Variants in ODAD2 observed in about 807,000 individuals in gnomAD.
ODAD2 encodes outer dynein arm-docking complex subunit 2.
ODAD2 carries 89 observed loss-of-function variants against 106.8 expected under a neutral mutation model. The observed-to-expected ratio is 0.83, with a 90% CI of 0.70 to 0.99. ODAD2 has a LOEUF of 0.99. ODAD2 is among the 50% of genes least tolerant of loss of function. ODAD2 has a pLI of 0.00. For synonymous variants in ODAD2, 404 were observed against 436.2 expected (o/e 0.93, Z 0.92); for missense variants, 1,168 against 1,238.5 (o/e 0.94, Z 0.85).
At position 27,985,064 on chromosome 10, in the gene ODAD2, T is replaced by A. The variant is rs1849791282; in HGVS notation, c.530A>T (p.Gln177Leu). The stretch of plus-strand genomic sequence containing the variant: ...ATGATTGAGGAGGTGCAGATCCAAT[T>A]GCTTAAGCAGCATAGCAATCTTCAT... Reference protein sequence around the residue: ...IKMKIAMLLKQLDLHLLNHSL... With the variant: ...IKMKIAMLLKLLDLHLLNHSL... The change falls in exon 4 of 20, where the codon CAA (glutamine) becomes CTA (leucine). Residue 177 changes from glutamine (Q) to leucine (L), a missense_variant. Gln to Leu is a moderately radical substitution (Grantham distance 113). Coordinates refer to ENST00000305242, the MANE Select transcript of ODAD2 (RefSeq NM_018076.5). 6.2e-7 allele frequency: 1 copy of A among 1,609,286 alleles called. No individual in the cohort carries two copies.
chr10:27,947,859 C>T (rs763290979), intron 10 of ODAD2, among the ~76,000 whole-genome samples: 9 of 152,214 alleles, frequency 5.9e-5, no homozygotes, highest in African/African-American at 1.7e-4. Context: ...TTCTTAATCG[C>T]TCGTGCTGAG....
intron 16 of ODAD2, among the ~76,000 whole-genome samples, chr10:27,915,719 A>G (rs1844321578): frequency 6.6e-6 from 1 of 152,184 alleles, no homozygotes; most frequent in South Asian, 2.1e-4. Context: ...GTATCCAGTG[A>G]AAACATCCTT....
chr10:27,865,689 A>G (rs1284077591), intron 17 of ODAD2, among the ~76,000 whole-genome samples: 4 of 152,226 alleles, frequency 2.6e-5, no homozygotes, highest in Admixed American at 2.0e-4. Context: ...AGCAGTTAGT[A>G]GATACTCAAC....
rs1217739284 is a variant in ODAD2, at chr10:27,964,389, G to A, written c.1239-2674C>T. Among the ~76,000 whole-genome samples the A allele has an allele frequency of 2.6e-5, 4 of 152,148 alleles. No individual in the cohort carries two copies. The East Asian group carries it at 7.7e-4, about 29-fold the overall frequency. On this transcript the variant is annotated intron_variant, in intron 9 of 19. Transcript: ENST00000305242. ...CACCTGCAAATTGGGGATGATAATA[G>A]CAATTAGTATGTAAAAAGCTTATAA... is the stretch of plus-strand genomic sequence containing the variant.
At chr10:27,863,487 T>C (rs1840221676) in intron 17 of ODAD2, among the ~76,000 whole-genome samples, 2 of 152,058 alleles carry the variant, frequency 1.3e-5, no homozygotes, top group African/African-American at 4.8e-5. Context: ...CCATATTGAG[T>C]AGGGGGTTAC....
At chr10:27,998,821 C>G (rs564073801) in intron 1 of ODAD2, among the ~76,000 whole-genome samples, 173 bp downstream of exon 1, 102 of 152,226 alleles carry the variant, frequency 6.7e-4, no homozygotes, top group African/African-American at 2.2e-3. Context: ...CCCTGCCCCC[C>G]GCAGTCGGCG....
chr10:27,921,778 G>A lies in ODAD2; in HGVS notation c.2495+13232C>T, dbSNP rs554687627. ...GTAATTTACAAAGGCAAAATAATTA[G>A]ACAAGCATCAGACTTTTCAAAAAAA... On this transcript the variant is annotated intron_variant, in intron 16 of 19. Coordinates refer to ENST00000305242, the MANE Select transcript of ODAD2 (RefSeq NM_018076.5). 6.8e-5 allele frequency among the ~76,000 whole-genome samples: 10 copies of A among 146,204 alleles called. 1 individual carries two copies. The South Asian group carries it at 1.7e-3, about 25-fold the overall frequency.
At chr10:27,946,990 C>T (rs1445982961) in intron 10 of ODAD2, among the ~76,000 whole-genome samples, 1 of 152,138 alleles carries the variant, frequency 6.6e-6, no homozygotes, top group Non-Finnish European at 1.5e-5. Context: ...CATGAATGCT[C>T]CCAATGGATG....
At chr10:27,942,178 G>A (rs924400408) in intron 12 of ODAD2, among the ~76,000 whole-genome samples, 8 of 152,202 alleles carry the variant, frequency 5.3e-5, no homozygotes, top group Non-Finnish European at 1.0e-4. Flanking sequence ...GTTAGCAGGT[G>A]CTCCTCACAA....
intron 19 of ODAD2, 110 bp from the exon 20 acceptor site, chr10:27,812,735 C>A (rs942323929): frequency 8.7e-6 from 12 of 1,383,434 alleles, no homozygotes; most frequent in Non-Finnish European, 1.1e-5. Context: ...TTTAAAACCA[C>A]CAAAAAAGCA....
intron 1 of ODAD2, among the ~76,000 whole-genome samples, chr10:27,998,414 G>C (rs1291749995): frequency 6.6e-6 from 1 of 152,150 alleles, no homozygotes; most frequent in Non-Finnish European, 1.5e-5. Context: ...GGAGGGAAGG[G>C]ACGGCGAAAA....
chr10:27,927,443 T>A (rs1485858049), intron 16 of ODAD2, among the ~76,000 whole-genome samples: 1 of 152,170 alleles, frequency 6.6e-6, no homozygotes, highest in African/African-American at 2.4e-5. Context: ...AAAGATGCAG[T>A]AGGTCCTATA....
In ODAD2 at chr10:27,868,156, C is replaced by T. The variant is rs146984777; in HGVS notation, c.2611-5534G>A. 4.3e-4 allele frequency among the ~76,000 whole-genome samples: 66 copies of T among 152,158 alleles called. 1 individual carries two copies. The highest frequency in any genetic ancestry group is 1.2e-3 in the African/African-American group (51 of 41,500). ...TATCATCTCATGCCAGTGAGAATGA[C>T]GATCATTAAAAAGTCAAGAAACAAC... On this transcript the variant is annotated intron_variant, in intron 17 of 19. Transcript: ENST00000305242.
chr10:27,947,904 T>C (rs1343343969), intron 10 of ODAD2, among the ~76,000 whole-genome samples: 10 of 152,242 alleles, frequency 6.6e-5, no homozygotes, highest in Admixed American at 6.5e-4. Flanking sequence ...ATTATAATGT[T>C]TTCTTTGGTA....
intron 17 of ODAD2, among the ~76,000 whole-genome samples, chr10:27,884,481 C>T (rs1841941853): frequency 6.6e-6 from 1 of 152,152 alleles, no homozygotes; most frequent in African/African-American, 2.4e-5. Context: ...TACTTTAAGT[C>T]TTATTTCCTT....
intron 17 of ODAD2, among the ~76,000 whole-genome samples, chr10:27,889,608 C>T (rs1842435166): frequency 6.6e-6 from 1 of 152,150 alleles, no homozygotes; most frequent in South Asian, 2.1e-4. Flanking sequence ...TGCAGTCCCA[C>T]ATTTTGGTGT....
intron 17 of ODAD2, among the ~76,000 whole-genome samples, chr10:27,878,134 A>C (rs940656634): frequency 2.6e-5 from 4 of 152,220 alleles, no homozygotes; most frequent in Non-Finnish European, 4.4e-5. Flanking sequence ...TATTTTACCA[A>C]GATCATTCCC....
At chr10:27,867,984 C>T (rs990434144) in intron 17 of ODAD2, among the ~76,000 whole-genome samples, 1 of 151,508 alleles carries the variant, frequency 6.6e-6, no homozygotes, top group Non-Finnish European at 1.5e-5. Flanking sequence ...AAAAAGACTC[C>T]AGTCAATTTC....
At chr10:27,971,783 A>C (rs1480751396) in intron 7 of ODAD2, among the ~76,000 whole-genome samples, 1 of 152,192 alleles carries the variant, frequency 6.6e-6, no homozygotes, top group African/African-American at 2.4e-5. Flanking sequence ...AAAAAGGAAA[A>C]CACAAAAAAC....
Sources: allele counts gnomAD v4.1 joint callset (sites outside exome capture counted in the v4.1 genomes callset), GRCh38; gene constraint gnomAD v4.1.1; transcripts MANE v1.5; gene names NCBI Gene and HGNC (gene_info 2026-07-23, HGNC 2026-07-21).